Variants in HAUS2 observed in about 807,000 individuals in gnomAD.
HAUS2 encodes the protein HAUS augmin-like complex subunit 2.
HAUS2 carries 20 observed loss-of-function variants against 21.6 expected under a neutral mutation model. The ratio of observed to expected loss-of-function variants is 0.93; its 90% CI spans 0.65 to 1.35. The LOEUF is 1.35. Among genes scored for constraint, HAUS2 ranks in the 40% most tolerant of loss-of-function variants. The pLI is 0.00. For synonymous variants in HAUS2, 113 were observed against 95.6 expected, an observed-to-expected ratio of 1.18 and a Z score of -1.06; for missense variants, 297 against 280.7, an observed-to-expected ratio of 1.06 and a Z score of -0.42.
Position 42,568,836 on chromosome 15 carries a change from T to A in HAUS2, c.*2020T>A, listed in dbSNP as rs2057932053. On this transcript the variant is annotated 3_prime_UTR_variant, in exon 6 of 6. Coordinates refer to ENST00000260372, the MANE Select transcript of HAUS2 (RefSeq NM_018097.3). ...ACTGTTAGAGGACTCTGGAAGCTTATACCTGGTTTCCCCCAGACTTTGCCT... is the reference window on the plus strand; with the variant it reads ...ACTGTTAGAGGACTCTGGAAGCTTAAACCTGGTTTCCCCCAGACTTTGCCT... 1 of 152,236 alleles carries A rather than the reference T, an allele frequency of 6.6e-6. No individual in the cohort carries two copies. The highest frequency in any genetic ancestry group is 6.5e-5 in the Admixed American group (1 of 15,276). The allele number at this position is 152,236 out of a possible 1,614,324, so 9.4% of individuals were successfully genotyped here.
chr15:42,559,607 A>C (rs1368234759), intron 3 of HAUS2, among the ~76,000 whole-genome samples, 199 bp downstream of exon 3: 1 of 152,184 alleles, frequency 6.6e-6, no homozygotes, highest in Non-Finnish European at 1.5e-5. Context: ...AAAGTCACCA[A>C]ATTGGCTCTT....
intron 3 of HAUS2, chr15:42,560,947 A>G: frequency 1.6e-6 from 1 of 644,116 alleles, no homozygotes; most frequent in Non-Finnish European, 2.8e-6. Flanking sequence ...GGATAGGAAA[A>G]AAGACTTTGT....
chr15:42,564,914 C>T (rs913275465), intron 5 of HAUS2, among the ~76,000 whole-genome samples: 1 of 152,250 alleles, frequency 6.6e-6, no homozygotes, highest in Admixed American at 6.5e-5. Context: ...CGGCTCAGTG[C>T]AACCTCCGCC....
chr15:42,555,419 C>G (rs1049391369), intron 1 of HAUS2, among the ~76,000 whole-genome samples: 1 of 152,140 alleles, frequency 6.6e-6, no homozygotes, highest in African/African-American at 2.4e-5. Context: ...TGTGAGCCAT[C>G]ATGCCAGCCT....
chr15:42,558,309 AC>A lies in HAUS2; in HGVS notation c.186+20del. 1.3e-6 allele frequency: 1 copy of A among 744,016 alleles called. No homozygotes were observed. The allele number at this position is 744,016 out of a possible 1,614,324, so 46.1% of individuals were successfully genotyped here. ...CTACCAGGTAAATCATTTTGTTTTC[AC>A]TTTCTTTTTTTTTTTTTTTTTTTTT... On this transcript the variant is annotated intron_variant, in intron 2 of 5. Transcript: ENST00000260372.
At position 42,568,180 on chromosome 15, in the gene HAUS2, T is replaced by C. The variant is rs1480515757; in HGVS notation, c.*1364T>C. ...CCTGATTATAAGGTTTGTCCTCAGC[T>C]GTTGCATCTGGGAACTTAGATATCA... On this transcript the variant is annotated 3_prime_UTR_variant, in exon 6 of 6. Transcript: ENST00000260372. The C allele has an allele frequency of 6.6e-6, 1 of 152,252 alleles. No individual in the cohort carries two copies. The highest frequency in any genetic ancestry group is 1.5e-5 in the Non-Finnish European group (1 of 68,054). The allele number at this position is 152,252 out of a possible 1,614,324, so 9.4% of individuals were successfully genotyped here.
chr15:42,555,111 TCCCGA>T (rs1253555643), intron 1 of HAUS2, among the ~76,000 whole-genome samples: 1 of 151,714 alleles, frequency 6.6e-6, no homozygotes, highest in Non-Finnish European at 1.5e-5. Context: ...TGTCACAGCC[TCCCGA>T]GTAGCTGGGA....
chr15:42,562,210 T>C (rs1462911747), intron 4 of HAUS2, among the ~76,000 whole-genome samples: 2 of 152,170 alleles, frequency 1.3e-5, no homozygotes, highest in African/African-American at 2.4e-5. Flanking sequence ...TCTCCGCCAG[T>C]GCCTCACTAG....
chr15:42,559,281 G>T, intron 2 of HAUS2, 58 bp from the exon 3 acceptor site: 1 of 986,338 alleles, frequency 1.0e-6, no homozygotes, highest in South Asian at 1.3e-5. Context: ...GTGAGCCACC[G>T]CACCTGGCCA....
intron 1 of HAUS2, among the ~76,000 whole-genome samples, chr15:42,550,889 G>A (rs527637460): frequency 1.3e-5 from 2 of 151,926 alleles, no homozygotes; most frequent in African/African-American, 2.4e-5. Context: ...GGATGGTCTC[G>A]ATCTCCTGAC....
chr15:42,567,257 C>T lies in HAUS2; in HGVS notation c.*441C>T, dbSNP rs141435801. The T allele has an allele frequency of 1.5e-4, 25 of 166,444 alleles. No homozygotes were observed. Among genetic ancestry groups the T allele is most frequent in the Non-Finnish European group, 2.1e-4 (16 of 77,712 alleles). 10.3% of individuals were successfully genotyped at this position (166,444 alleles called of 1,614,324 possible). A position where few individuals can be genotyped will look rare whatever the true frequency, so the allele number is the denominator to read the frequency against. ...TCTACAAAATAAACAAAAAATTAGC[C>T]GACCATGGTGGTGCATGCCTGTAGT... On this transcript the variant is annotated 3_prime_UTR_variant, in exon 6 of 6. Coordinates refer to ENST00000260372, the MANE Select transcript of HAUS2 (RefSeq NM_018097.3).
chr15:42,565,025 C>T (rs922731284), intron 5 of HAUS2, among the ~76,000 whole-genome samples: 5 of 152,032 alleles, frequency 3.3e-5, no homozygotes, highest in Admixed American at 1.3e-4. Context: ...TTAGTAGAGA[C>T]GGGGTTTTGC....
intron 2 of HAUS2, 140 bp downstream of exon 2, chr15:42,558,430 C>T: frequency 1.9e-6 from 1 of 532,060 alleles, no homozygotes; most frequent in Non-Finnish European, 3.3e-6. Context: ...CAGGTTCACG[C>T]CGTTCTTCTG....
chr15:42,558,083 A>G, intron 1 of HAUS2, 115 bp from the exon 2 acceptor site: 1 of 603,248 alleles, frequency 1.7e-6, no homozygotes, highest in Non-Finnish European at 3.0e-6. Context: ...CTTCATGTTC[A>G]AAGGCAGTGT....
chr15:42,560,871 G>T lies in HAUS2; in HGVS notation c.257-399G>T, dbSNP rs746629846. 80 of 701,914 alleles carry T rather than the reference G, an allele frequency of 1.1e-4. 2 individuals carry two copies. In the South Asian group the frequency reaches 1.2e-3, roughly 10 times the overall value. 43.5% of individuals were successfully genotyped at this position (701,914 alleles called of 1,614,324 possible). On this transcript the variant is annotated intron_variant, in intron 3 of 5. Transcript: ENST00000260372. The stretch of plus-strand genomic sequence containing the variant: ...GTCTCCCAAAACACTGCGATTACAG[G>T]TATGAGCTAGAGCACCAGCTAAGGT...
At chr15:42,550,659 C>T (rs2057715811) in intron 1 of HAUS2, among the ~76,000 whole-genome samples, 1 of 151,608 alleles carries the variant, frequency 6.6e-6, no homozygotes, top group African/African-American at 2.4e-5. Context: ...TCCTTCCTCC[C>T]TTCTCTCCTG....
chr15:42,564,244 C>T (rs1316894548), intron 5 of HAUS2, among the ~76,000 whole-genome samples: 4 of 142,086 alleles, frequency 2.8e-5, no homozygotes, highest in African/African-American at 7.9e-5. Flanking sequence ...CCATCCTGGG[C>T]GACAGCAAGA....
chr15:42,559,292 T>C (rs1382373423), intron 2 of HAUS2, 47 bp from the exon 3 acceptor site: 2 of 1,150,124 alleles, frequency 1.7e-6, no homozygotes, highest in African/African-American at 1.5e-5. Flanking sequence ...CACCTGGCCA[T>C]GGACACTTTC....
rs907409476 is a variant in HAUS2, at chr15:42,567,262, A to G, written c.*446A>G. Reference sequence around the variant, plus strand: ...AAAATAAACAAAAAATTAGCCGACCATGGTGGTGCATGCCTGTAGTCCCAG... The same window carrying G: ...AAAATAAACAAAAAATTAGCCGACCGTGGTGGTGCATGCCTGTAGTCCCAG... On this transcript the variant is annotated 3_prime_UTR_variant, in exon 6 of 6. Coordinates refer to ENST00000260372, the MANE Select transcript of HAUS2 (RefSeq NM_018097.3). 1.8e-5 allele frequency: 3 copies of G among 167,910 alleles called. No individual in the cohort carries two copies. The South Asian group carries it at 4.5e-4, about 25-fold the overall frequency. 10.4% of individuals were successfully genotyped at this position (167,910 alleles called of 1,614,324 possible).
Sources: gnomAD v4.1 joint callset for allele counts (sites outside exome capture counted in the v4.1 genomes callset) on GRCh38, gnomAD v4.1.1 for gene constraint, MANE v1.5 for transcripts, NCBI Gene and HGNC (gene_info 2026-07-23, HGNC 2026-07-21) for gene names.